The following CAMK1D variants were observed in gnomAD, a reference collection of about 807,000 sequenced individuals.
CAMK1D encodes calcium/calmodulin dependent protein kinase ID, also known as calcium/calmodulin-dependent protein kinase type 1D.
Under a neutral mutation model 47.7 loss-of-function variants are expected in CAMK1D, and 9 were observed. The observed-to-expected ratio is 0.19, with a 90% CI of 0.11 to 0.33. The LOEUF is 0.33. CAMK1D is among the 10% of genes least tolerant of loss of function. The pLI is 1.00. For missense variants in CAMK1D, 291 were observed against 488.7 expected, an observed-to-expected ratio of 0.60 and a Z score of 3.81; for synonymous variants, 184 against 184.9, an observed-to-expected ratio of 0.99 and a Z score of 0.04.
intron 2 of CAMK1D, among the ~76,000 whole-genome samples, chr10:12,579,828 G>A (rs535163412): frequency 1.3e-5 from 2 of 152,224 alleles, no homozygotes; most frequent in African/African-American, 2.4e-5. Context: ...GCGAGAGGTC[G>A]GATCTCTTCT....
intron 2 of CAMK1D, among the ~76,000 whole-genome samples, chr10:12,574,468 A>ATT (rs1171556305): frequency 0.029 from 1,798 of 61,356 alleles, 246 homozygotes; most frequent in African/African-American, 0.056. Context: ...CGCCTAGCTA[A>ATT]TTTTTTTTTT....
chr10:12,536,570 C>T (rs1835977487), intron 1 of CAMK1D, among the ~76,000 whole-genome samples: 1 of 152,198 alleles, frequency 6.6e-6, no homozygotes, highest in African/African-American at 2.4e-5. Flanking sequence ...TGAGCCACCG[C>T]ACTGCACCTG....
At chr10:12,672,910 T>G (rs1270964115) in intron 3 of CAMK1D, among the ~76,000 whole-genome samples, 2 of 146,478 alleles carry the variant, frequency 1.4e-5, no homozygotes, top group South Asian at 2.6e-4. Context: ...TTTTTTTTTT[T>G]TTTTTAGTCA....
chr10:12,495,039 G>T (rs1834495234), intron 1 of CAMK1D, among the ~76,000 whole-genome samples: 1 of 152,136 alleles, frequency 6.6e-6, no homozygotes, highest in African/African-American at 2.4e-5. Context: ...CCTTCTTATT[G>T]AGAATTAAAA....
At chr10:12,698,485 T>A (rs1189116529) in intron 3 of CAMK1D, among the ~76,000 whole-genome samples, 1 of 152,132 alleles carries the variant, frequency 6.6e-6, no homozygotes, top group Non-Finnish European at 1.5e-5. Flanking sequence ...GAAAATGGAA[T>A]TAACAGGTAA....
chr10:12,610,287 GT>G (rs2132409481), intron 2 of CAMK1D, among the ~76,000 whole-genome samples: 1 of 152,292 alleles, frequency 6.6e-6, no homozygotes, highest in African/African-American at 2.4e-5. Flanking sequence ...GTAGCTTGAT[GT>G]TTCCAGTTTG....
At chr10:12,502,071 G>A (rs1834721283) in intron 1 of CAMK1D, among the ~76,000 whole-genome samples, 1 of 151,936 alleles carries the variant, frequency 6.6e-6, no homozygotes. Flanking sequence ...ACCAGGGCAG[G>A]CACAGGCTCA....
intron 1 of CAMK1D, among the ~76,000 whole-genome samples, chr10:12,504,798 C>T (rs545837288): frequency 1.2e-4 from 18 of 152,278 alleles, no homozygotes; most frequent in Non-Finnish European, 2.1e-4. Context: ...TACTACCTCC[C>T]GGGACGGGGC....
At chr10:12,574,497 T>TTTTTTG (rs368308201) in intron 2 of CAMK1D, among the ~76,000 whole-genome samples, 1 of 128,720 alleles carries the variant, frequency 7.8e-6, no homozygotes. Context: ...TTTTTTTTTT[T>TTTTTTG]AGTAGAGACG....
At chr10:12,501,945 G>A (rs1029448345) in intron 1 of CAMK1D, among the ~76,000 whole-genome samples, 16 of 152,208 alleles carry the variant, frequency 1.1e-4, no homozygotes, top group Admixed American at 8.5e-4. Flanking sequence ...TGGCGGCAGA[G>A]TGGAGTGCTC....
At position 12,447,364 on chromosome 10, in the gene CAMK1D, G is replaced by C. The variant is rs376667262; in HGVS notation, c.92+97454G>C. On this transcript the variant is annotated intron_variant, in intron 1 of 10. Coordinates refer to ENST00000619168, the MANE Select transcript of CAMK1D (RefSeq NM_153498.4). Reference sequence around the variant, plus strand: ...ATATCATGATGAGAGGCCTCTGCTGGCCACTGGGCAGCCTTCAGATAGTTT... The same window carrying C: ...ATATCATGATGAGAGGCCTCTGCTGCCCACTGGGCAGCCTTCAGATAGTTT... 2.4e-3 allele frequency among the ~76,000 whole-genome samples: 358 copies of C among 152,276 alleles called. 2 individuals are homozygous for C. Among genetic ancestry groups the C allele is most frequent in the African/African-American group, 8.2e-3 (340 of 41,552 alleles).
chr10:12,430,825 A>G (rs1832448075), intron 1 of CAMK1D, among the ~76,000 whole-genome samples: 1 of 152,178 alleles, frequency 6.6e-6, no homozygotes, highest in Admixed American at 6.5e-5. Context: ...ATCTCAGCTC[A>G]CTGCAACCTC....
intron 2 of CAMK1D, among the ~76,000 whole-genome samples, chr10:12,651,577 CT>C (rs1839966223): frequency 6.7e-6 from 1 of 149,714 alleles, no homozygotes; most frequent in African/African-American, 2.5e-5. Context: ...TTTTTTTTTT[CT>C]TTTTGGAGAG....
At chr10:12,609,785 G>T (rs1838569188) in intron 2 of CAMK1D, among the ~76,000 whole-genome samples, 1 of 152,132 alleles carries the variant, frequency 6.6e-6, no homozygotes, top group Non-Finnish European at 1.5e-5. Context: ...ATGGCCTGCA[G>T]GCTGAGGACC....
At chr10:12,655,069 T>A (rs1362640234) in intron 2 of CAMK1D, among the ~76,000 whole-genome samples, 2 of 152,214 alleles carry the variant, frequency 1.3e-5, no homozygotes, top group Non-Finnish European at 2.9e-5. Flanking sequence ...CCTGCATTGC[T>A]ATACAGAAAT....
chr10:12,378,419 T>G (rs1030929573), intron 1 of CAMK1D, among the ~76,000 whole-genome samples: 4 of 91,880 alleles, frequency 4.4e-5, no homozygotes, highest in Non-Finnish European at 8.5e-5. Context: ...CAAACTTAAA[T>G]TTTTTTTTTT....
intron 1 of CAMK1D, among the ~76,000 whole-genome samples, chr10:12,361,228 A>T (rs570431583): frequency 6.8e-6 from 1 of 147,664 alleles, no homozygotes; most frequent in South Asian, 2.2e-4. Flanking sequence ...GGATATAATA[A>T]CAAGACTTCC....
In CAMK1D at chr10:12,355,010, T is replaced by A. The variant is rs1336840940; in HGVS notation, c.92+5100T>A. 2.6e-5 allele frequency among the ~76,000 whole-genome samples: 4 copies of A among 151,558 alleles called. No homozygotes were observed. In the South Asian group the frequency reaches 8.3e-4, roughly 31 times the overall value. ...GTGTGCACCACCATGCCTGGCTAACTTTTTTATTTTTTTGTAGAGACAGAG... is the reference window on the plus strand; with the variant it reads ...GTGTGCACCACCATGCCTGGCTAACATTTTTATTTTTTTGTAGAGACAGAG... On this transcript the variant is annotated intron_variant, in intron 1 of 10. Transcript: ENST00000619168.
chr10:12,423,338 A>T (rs1840121234), intron 1 of CAMK1D, among the ~76,000 whole-genome samples: 1 of 152,004 alleles, frequency 6.6e-6, no homozygotes, highest in Non-Finnish European at 1.5e-5. Context: ...ACAAAGTGAG[A>T]CCCCATCTCT....
Sources: gnomAD v4.1 joint callset for allele counts (sites outside exome capture counted in the v4.1 genomes callset) on GRCh38, gnomAD v4.1.1 for gene constraint, MANE v1.5 for transcripts, NCBI Gene and HGNC (gene_info 2026-07-23, HGNC 2026-07-21) for gene names.